The following TRPM6 variants were observed in gnomAD, a reference collection of about 807,000 sequenced individuals.
TRPM6 encodes channel kinase 2.
TRPM6 carries 111 observed loss-of-function variants against 247.6 expected under a neutral mutation model. The ratio of observed to expected loss-of-function variants is 0.45; its 90% CI spans 0.38 to 0.52. The LOEUF (loss-of-function observed/expected upper bound fraction) is 0.52. Ranked by LOEUF, TRPM6 falls within the 20% of genes least tolerant of loss-of-function variation. The pLI, the probability that TRPM6 is intolerant of heterozygous loss-of-function variation, is 0.00. For synonymous variants in TRPM6, 892 were observed against 853.8 expected (o/e 1.04, Z -0.78); for missense variants, 2,126 against 2,421.5 (o/e 0.88, Z 2.56).
intron 1 of TRPM6, 72 bp from the exon 2 acceptor site, chr9:74,858,820 G>C: frequency 1.6e-6 from 2 of 1,230,642 alleles, no homozygotes; most frequent in East Asian, 2.4e-5. Flanking sequence ...AGTTCCTGCA[G>C]GTAAGAAATA....
intron 20 of TRPM6, among the ~76,000 whole-genome samples, chr9:74,787,980 G>T (rs967509851): frequency 6.6e-6 from 1 of 151,932 alleles, no homozygotes; most frequent in African/African-American, 2.4e-5. Context: ...CTCCCAAAGT[G>T]CTGGGATTAC....
At chr9:74,729,086 G>A (rs1825433049) in intron 37 of TRPM6, among the ~76,000 whole-genome samples, 1 of 152,140 alleles carries the variant, frequency 6.6e-6, no homozygotes, top group African/African-American at 2.4e-5. Flanking sequence ...TATCAAAGGC[G>A]ACCATCATTC....
chr9:74,765,331 AT>A (rs1826792392), intron 25 of TRPM6, among the ~76,000 whole-genome samples: 1 of 148,036 alleles, frequency 6.8e-6, no homozygotes, highest in East Asian at 2.0e-4. Flanking sequence ...TGGAGAAAAT[AT>A]TTTTGATGTG....
chr9:74,780,055 C>T (rs1827377598), intron 23 of TRPM6, among the ~76,000 whole-genome samples: 1 of 151,878 alleles, frequency 6.6e-6, no homozygotes, highest in Non-Finnish European at 1.5e-5. Context: ...ACCTGTAGTC[C>T]CAGCTACTCG....
intron 36 of TRPM6, among the ~76,000 whole-genome samples, chr9:74,737,800 C>T (rs1417355567): frequency 6.6e-6 from 1 of 152,178 alleles, no homozygotes; most frequent in Admixed American, 6.5e-5. Flanking sequence ...GACCTCAATA[C>T]ATATTTTGTT....
intron 33 of TRPM6, 74 bp downstream of exon 33, chr9:74,742,487 T>C: frequency 7.2e-7 from 1 of 1,397,178 alleles, no homozygotes; most frequent in Non-Finnish European, 1.0e-6. Context: ...TAATGCAATG[T>C]GGTTTCCTTT....
At chr9:74,818,996 A>T (rs1170821866) in intron 9 of TRPM6, among the ~76,000 whole-genome samples, 1 of 152,116 alleles carries the variant, frequency 6.6e-6, no homozygotes, top group African/African-American at 2.4e-5. Flanking sequence ...GCTTCATATC[A>T]TCTGAGTCAT....
intron 1 of TRPM6, among the ~76,000 whole-genome samples, chr9:74,867,567 T>G (rs1830887297): frequency 6.6e-6 from 1 of 152,202 alleles, no homozygotes; most frequent in South Asian, 2.1e-4. Flanking sequence ...TCATGTACTG[T>G]ATTTTATGCT....
At chr9:74,804,091 T>C (rs1828445049) in intron 14 of TRPM6, among the ~76,000 whole-genome samples, 1 of 152,164 alleles carries the variant, frequency 6.6e-6, no homozygotes, top group African/African-American at 2.4e-5. Context: ...CCTCTAATGA[T>C]CTCATTGTGC....
chr9:74,871,854 CTT>C (rs796954772), intron 1 of TRPM6, among the ~76,000 whole-genome samples: 32 of 140,504 alleles, frequency 2.3e-4, no homozygotes, highest in Middle Eastern at 7.2e-3. Flanking sequence ...TCAGTAGTAA[CTT>C]TTTTTTTTTT....
At chr9:74,755,558 G>T (rs1320014680) in intron 27 of TRPM6, 85 bp from the exon 28 acceptor site, 2 of 1,550,628 alleles carry the variant, frequency 1.3e-6, no homozygotes, top group East Asian at 4.5e-5. Context: ...CATGGTGAAG[G>T]GCAGTGTCTG....
chr9:74,852,498 T>A (rs534910135), intron 3 of TRPM6, among the ~76,000 whole-genome samples: 4 of 146,862 alleles, frequency 2.7e-5, no homozygotes, highest in South Asian at 2.3e-4. Context: ...TCCGTCTCCA[T>A]GGTCTCCCTC....
rs774868263 is a variant in TRPM6, at chr9:74,788,600, A to C, written c.2667+14T>G. 2 of 1,613,788 alleles carry C rather than the reference A, an allele frequency of 1.2e-6. No homozygotes were observed. The highest frequency in any genetic ancestry group is 1.7e-6 in the Non-Finnish European group (2 of 1,179,760). On this transcript the variant is annotated intron_variant, in intron 20 of 38. Coordinates refer to ENST00000360774, the MANE Select transcript of TRPM6 (RefSeq NM_017662.5). ...GGACATATGCAGAAGATAAAGGTAG[A>C]TGGCATAACTCACCTCCCTGACCAC...
chr9:74,874,235 T>TA lies in TRPM6; in HGVS notation c.33+13588dup, dbSNP rs1362617114. On this transcript the variant is annotated intron_variant, in intron 1 of 38. Transcript: ENST00000360774. The stretch of plus-strand genomic sequence containing the variant: ...TGGGTGACAGAGTGAGAATCTGTCT[T>TA]AAAAACAAAAAAAAAAAAAAAACAA... Among the ~76,000 whole-genome samples the TA allele has an allele frequency of 4.7e-4, 37 of 78,292 alleles. 1 individual carries two copies. The highest frequency in any genetic ancestry group is 1.4e-3 in the African/African-American group (31 of 21,890). The allele number at this position is 78,292 out of a possible 152,430, so 51.4% of individuals were successfully genotyped here.
intron 9 of TRPM6, among the ~76,000 whole-genome samples, chr9:74,818,792 C>A (rs1829039879): frequency 6.6e-6 from 1 of 151,884 alleles, no homozygotes; most frequent in Admixed American, 6.6e-5. Context: ...TGTTATTGGG[C>A]CAACTAAAAC....
At chr9:74,878,770 A>T (rs796877555) in intron 1 of TRPM6, among the ~76,000 whole-genome samples, 5 of 152,372 alleles carry the variant, frequency 3.3e-5, no homozygotes, top group African/African-American at 1.2e-4. Flanking sequence ...CTCCAGCAAT[A>T]GATTTCAATG....
intron 19 of TRPM6, among the ~76,000 whole-genome samples, chr9:74,790,868 T>G (rs1465744298): frequency 6.6e-6 from 1 of 152,218 alleles, no homozygotes; most frequent in Non-Finnish European, 1.5e-5. Flanking sequence ...AAGGCTATGT[T>G]AAGTCCACTT....
intron 32 of TRPM6, among the ~76,000 whole-genome samples, chr9:74,743,413 A>G (rs751370306): frequency 1.3e-5 from 2 of 152,212 alleles, no homozygotes; most frequent in Non-Finnish European, 2.9e-5. Context: ...GTATTATCTC[A>G]TCCAATGCTG....
intron 13 of TRPM6, among the ~76,000 whole-genome samples, chr9:74,809,592 G>A (rs909645437): frequency 6.6e-6 from 1 of 151,912 alleles, no homozygotes; most frequent in African/African-American, 2.4e-5. Flanking sequence ...CTGTGGCACA[G>A]TTTAAAAAAA....
Sources: gnomAD v4.1 joint callset for allele counts (sites outside exome capture counted in the v4.1 genomes callset) on GRCh38, gnomAD v4.1.1 for gene constraint, MANE v1.5 for transcripts, NCBI Gene and HGNC (gene_info 2026-07-23, HGNC 2026-07-21) for gene names.